The following TPRG1 variants were observed in gnomAD, a reference collection of about 807,000 sequenced individuals.
TPRG1 encodes tumor protein p63-regulated gene 1 protein.
TPRG1 carries 29 observed loss-of-function variants against 29.3 expected under a neutral mutation model. The ratio of observed to expected loss-of-function variants is 0.99; its 90% CI spans 0.74 to 1.35. The LOEUF (loss-of-function observed/expected upper bound fraction) is 1.35, where lower values mean the gene tolerates loss of function less well. TPRG1 is among the 40% of genes most tolerant of loss of function. The pLI, the probability that TPRG1 is intolerant of heterozygous loss-of-function variation, is 0.00. For synonymous variants in TPRG1, 130 were observed against 116.8 expected (o/e 1.11, Z -0.73); for missense variants, 327 against 335.0 (o/e 0.98, Z 0.19).
chr3:189,217,659 G>A (rs1203024636), intron 3 of TPRG1, among the ~76,000 whole-genome samples: 1 of 152,136 alleles, frequency 6.6e-6, no homozygotes. Context: ...AAACCTCATC[G>A]TGGGTTCCGA....
intron 4 of TPRG1, among the ~76,000 whole-genome samples, chr3:189,150,444 G>C (rs558902307): frequency 6.6e-6 from 1 of 152,174 alleles, no homozygotes; most frequent in Non-Finnish European, 1.5e-5. Flanking sequence ...GCCTCCCAAA[G>C]TGCTGGGATT....
intron 5 of TPRG1, among the ~76,000 whole-genome samples, chr3:189,317,595 C>T (rs896442270): frequency 3.9e-5 from 6 of 152,116 alleles, no homozygotes; most frequent in African/African-American, 1.4e-4. Context: ...ATAACTTGCC[C>T]AAAGTCACAC....
At chr3:189,022,808 C>T (rs1018204659) in intron 3 of TPRG1, among the ~76,000 whole-genome samples, 6 of 152,240 alleles carry the variant, frequency 3.9e-5, no homozygotes, top group East Asian at 1.9e-4. Context: ...GGGGCAATGG[C>T]GGGCGCCCCT....
upstream of TPRG1, among the ~76,000 whole-genome samples, chr3:189,099,362 G>A (rs1031839758): frequency 2.2e-4 from 33 of 152,198 alleles, no homozygotes; most frequent in African/African-American, 7.7e-4. Context: ...GTGGATTTTG[G>A]TTCCCAAATG....
chr3:188,999,851 G>A (rs941440426), intron 1 of TPRG1, among the ~76,000 whole-genome samples: 4 of 151,840 alleles, frequency 2.6e-5, no homozygotes, highest in Admixed American at 2.6e-4. Context: ...ACATATATAC[G>A]TACATACTTT....
At chr3:189,021,446 G>C (rs1280625984) in intron 3 of TPRG1, among the ~76,000 whole-genome samples, 1 of 151,930 alleles carries the variant, frequency 6.6e-6, no homozygotes, top group Non-Finnish European at 1.5e-5. Context: ...AAATCTCTCG[G>C]CATTTGCTTG....
At chr3:189,125,458 T>G (rs1288447872) in intron 1 of TPRG1, among the ~76,000 whole-genome samples, 6 of 152,204 alleles carry the variant, frequency 3.9e-5, no homozygotes, top group Non-Finnish European at 7.3e-5. Context: ...TCAGACCATA[T>G]GATCTTCTTC....
chr3:189,071,901 G>C (rs1005132992), intron 4 of TPRG1, among the ~76,000 whole-genome samples: 11 of 152,186 alleles, frequency 7.2e-5, no homozygotes, highest in African/African-American at 2.7e-4. Context: ...CTTTAAAGTA[G>C]TCTCTGCAGA....
intron 3 of TPRG1, among the ~76,000 whole-genome samples, chr3:189,022,376 G>C (rs1293801112): frequency 1.4e-5 from 2 of 147,422 alleles, no homozygotes; most frequent in African/African-American, 5.1e-5. Flanking sequence ...TCTACTTTTG[G>C]TCTTTGATGA....
intron 4 of TPRG1, among the ~76,000 whole-genome samples, chr3:189,052,016 C>T (rs570123344): frequency 1.3e-5 from 2 of 152,266 alleles, no homozygotes; most frequent in Non-Finnish European, 2.9e-5. Context: ...TGGAAAAACT[C>T]TTCTAGACAT....
chr3:189,207,414 C>T lies in TPRG1; in HGVS notation c.30C>T (p.Phe10=), dbSNP rs200386987. The T allele has an allele frequency of 1.9e-6, 3 of 1,613,774 alleles. No individual in the cohort carries two copies. The highest frequency in any genetic ancestry group is 2.2e-5 in the East Asian group (1 of 44,862). MSTIGSFEG[F]QAVSLKQEGD... Reference sequence around the variant, plus strand: ...CAACAATTGGGAGTTTTGAAGGATTCCAGGCTGTGTCTCTGAAGCAAGAGG... The same window carrying T: ...CAACAATTGGGAGTTTTGAAGGATTTCAGGCTGTGTCTCTGAAGCAAGAGG... The change falls in exon 2 of 6, where the codon TTC becomes TTT. Residue 10 remains phenylalanine (F), a synonymous_variant. Coordinates refer to ENST00000345063, the MANE Select transcript of TPRG1 (RefSeq NM_198485.4).
chr3:189,071,408 TACAC>T (rs140146383), intron 4 of TPRG1, among the ~76,000 whole-genome samples: 3 of 151,388 alleles, frequency 2.0e-5, no homozygotes, highest in South Asian at 2.1e-4. Context: ...GTATGAGTTT[TACAC>T]ACACACACAC....
At chr3:189,047,262 C>T (rs1715036501) in intron 4 of TPRG1, among the ~76,000 whole-genome samples, 2 of 152,122 alleles carry the variant, frequency 1.3e-5, no homozygotes, top group South Asian at 2.1e-4. Context: ...AAGTGAATCA[C>T]ATAATTTTTT....
At chr3:189,016,025 G>C (rs944154714) in intron 3 of TPRG1, among the ~76,000 whole-genome samples, 2 of 152,038 alleles carry the variant, frequency 1.3e-5, no homozygotes, top group Admixed American at 1.3e-4. Context: ...CAGAATGGTA[G>C]ATCCAATAAC....
intron 1 of TPRG1, among the ~76,000 whole-genome samples, chr3:189,112,800 C>A (rs1226518042): frequency 6.6e-6 from 1 of 152,134 alleles, no homozygotes; most frequent in Non-Finnish European, 1.5e-5. Flanking sequence ...AGTTTGAATT[C>A]AGGTAGCGTG....
At chr3:189,169,363 C>T (rs1017611342), upstream of TPRG1, among the ~76,000 whole-genome samples, 6 of 152,150 alleles carry the variant, frequency 3.9e-5, no homozygotes, top group Admixed American at 2.6e-4. Flanking sequence ...CAGGGTTTCA[C>T]CATGTTGGCC....
intron 4 of TPRG1, among the ~76,000 whole-genome samples, chr3:189,288,212 T>C (rs1718399312): frequency 6.6e-6 from 1 of 152,074 alleles, no homozygotes; most frequent in African/African-American, 2.4e-5. Context: ...TGTAGTTGCT[T>C]CACTTTTTAA....
chr3:189,283,757 A>G (rs967808629), intron 4 of TPRG1, among the ~76,000 whole-genome samples: 3 of 152,188 alleles, frequency 2.0e-5, no homozygotes, highest in Admixed American at 6.5e-5. Flanking sequence ...TCCGGAAGGT[A>G]AACAATTATT....
rs1724276419 is a variant in TPRG1 at position 189,321,144 on chromosome 3, G to T, written c.*324G>T. On this transcript the variant is annotated 3_prime_UTR_variant, in exon 6 of 6. Coordinates refer to ENST00000345063, the MANE Select transcript of TPRG1 (RefSeq NM_198485.4). ...CTGTTGCTTCAGCTCTCTAAATGTA[G>T]GCTTTTTTTTTTTTTTTTTTTTAGG... 1.2e-5 allele frequency: 2 copies of T among 168,604 alleles called. No homozygotes were observed. The highest frequency in any genetic ancestry group is 2.5e-5 in the African/African-American group (1 of 40,664). The allele number at this position is 168,604 out of a possible 1,614,324, so 10.4% of individuals were successfully genotyped here. A position where few individuals can be genotyped will look rare whatever the true frequency, so the allele number is the denominator to read the frequency against.
Sources: allele counts gnomAD v4.1 joint callset (sites outside exome capture counted in the v4.1 genomes callset), GRCh38; gene constraint gnomAD v4.1.1; transcripts MANE v1.5; gene names NCBI Gene and HGNC (gene_info 2026-07-23, HGNC 2026-07-21).